Variants in MAGEC3 observed in about 807,000 individuals in gnomAD.
The protein encoded by MAGEC3 is MAGE family member C3.
A neutral mutation model predicts 35.3 loss-of-function variants in MAGEC3; 34 were observed. The ratio of observed to expected loss-of-function variants is 0.96; its 90% CI spans 0.73 to 1.28. The LOEUF is 1.28. MAGEC3 is among the 50% of genes most tolerant of loss of function. MAGEC3 has a pLI of 0.00. For missense variants in MAGEC3, 561 were observed against 483.6 expected (o/e 1.16, Z -1.50); for synonymous variants, 202 against 185.6 (o/e 1.09, Z -0.72).
At chrX:141,867,344 G>A (rs1228914016) in intron 2 of MAGEC3, among the ~76,000 whole-genome samples, 1 of 111,431 alleles carries the variant, frequency 9.0e-6, no homozygotes, top group Non-Finnish European at 1.9e-5. Context: ...CCCTTCAGGT[G>A]CACTAAGAGA....
At position 141,881,480 on chromosome X, in the gene MAGEC3, A is replaced by G. The variant is rs777967738; in HGVS notation, c.593A>G (p.Lys198Arg). ...VDKLVQFLLL[K>R]YQAKEPLTRA... is the part of the protein sequence containing the mutation. The stretch of plus-strand genomic sequence containing the variant: ...AAGTTGGTGCAGTTTCTTCTCCTCA[A>G]ATATCAAGCAAAAGAGCCTCTCACA... The change falls in exon 4 of 8, where the codon AAA (lysine) becomes AGA (arginine). Residue 198 changes from lysine (K) to arginine (R), a missense_variant. Transcript: ENST00000298296. 1 of 1,209,524 alleles carries G rather than the reference A, an allele frequency of 8.3e-7. No individual in the cohort carries two copies. Among genetic ancestry groups the G allele is most frequent in the South Asian group, 1.8e-5 (1 of 56,733 alleles).
intron 2 of MAGEC3, among the ~76,000 whole-genome samples, chrX:141,873,438 C>T (rs2017900932): frequency 9.0e-6 from 1 of 111,157 alleles, no homozygotes; most frequent in African/African-American, 3.3e-5. Flanking sequence ...CCCCAACACC[C>T]ATACCCAAGC....
At chrX:141,881,320 T>A (rs1217593192) in intron 3 of MAGEC3, 83 bp from the exon 4 acceptor site, 1 of 1,104,988 alleles carries the variant, frequency 9.0e-7, no homozygotes, top group African/African-American at 1.9e-5. Context: ...GGGTTCCCTG[T>A]CCTGCTCCTC....
chrX:141,879,114 G>T, intron 2 of MAGEC3, 61 bp from the exon 3 acceptor site: 3 of 1,119,738 alleles, frequency 2.7e-6, no homozygotes, highest in Non-Finnish European at 3.5e-6. Context: ...CTCTCGGGAA[G>T]GCAGGAAGGG....
intron 4 of MAGEC3, among the ~76,000 whole-genome samples, chrX:141,885,855 T>C (rs1479689980): frequency 9.1e-6 from 1 of 109,796 alleles, no homozygotes; most frequent in Non-Finnish European, 1.9e-5. Flanking sequence ...TTAGACCTAC[T>C]CATCCCAGCT....
At chrX:141,880,832 G>C in intron 3 of MAGEC3, 1 of 1,134,355 alleles carries the variant, frequency 8.8e-7, no homozygotes, top group Middle Eastern at 2.4e-4. Flanking sequence ...GAGAAGAAGA[G>C]CTGTAAGCCG....
intron 1 of MAGEC3, among the ~76,000 whole-genome samples, chrX:141,858,524 T>C (rs1353218795): frequency 1.8e-5 from 2 of 111,537 alleles, no homozygotes; most frequent in Non-Finnish European, 3.8e-5. Context: ...TATGACTTTA[T>C]TTTATTTACA....
At chrX:141,872,657 C>G (rs80173146) in intron 2 of MAGEC3, among the ~76,000 whole-genome samples, 5,919 of 110,297 alleles carry the variant, frequency 0.054, 230 homozygotes, top group East Asian at 0.31. Context: ...TAAAGGGCCT[C>G]CTAGACTGGA....
chrX:141,852,265 T>G (rs1397688470), intron 1 of MAGEC3, among the ~76,000 whole-genome samples: 3 of 110,658 alleles, frequency 2.7e-5, no homozygotes, highest in Non-Finnish European at 5.7e-5. Flanking sequence ...ACAACTGAGT[T>G]TTTGTATATT....
At chrX:141,847,521 T>C (rs2124084090) in intron 1 of MAGEC3, among the ~76,000 whole-genome samples, 1 of 111,467 alleles carries the variant, frequency 9.0e-6, no homozygotes, top group African/African-American at 3.2e-5. Flanking sequence ...AAGTATGTTC[T>C]CCAAAACAAT....
chrX:141,893,642 CTG>C (rs770042816), intron 4 of MAGEC3, among the ~76,000 whole-genome samples: 7,976 of 84,785 alleles, frequency 0.094, 650 homozygotes, highest in African/African-American at 0.25. Context: ...ATAGGAGACA[CTG>C]TGTGTGTGTG....
At chrX:141,892,683 G>A (rs1461565400) in intron 4 of MAGEC3, among the ~76,000 whole-genome samples, 3 of 111,162 alleles carry the variant, frequency 2.7e-5, no homozygotes, top group Non-Finnish European at 5.7e-5. Context: ...ACTTATGGGG[G>A]CAAACCCTAG....
intron 1 of MAGEC3, among the ~76,000 whole-genome samples, chrX:141,855,243 A>T (rs1051587505): frequency 4.5e-5 from 5 of 110,673 alleles, no homozygotes; most frequent in African/African-American, 1.6e-4. Flanking sequence ...CTGGATCAGC[A>T]TGTTATCTAC....
At chrX:141,870,692 T>C (rs1473798822) in intron 2 of MAGEC3, among the ~76,000 whole-genome samples, 2 of 112,409 alleles carry the variant, frequency 1.8e-5, no homozygotes, top group Non-Finnish European at 3.7e-5. Context: ...TTTAATTACA[T>C]GTTATAATGG....
At chrX:141,842,977 A>G (rs2017694969) in intron 1 of MAGEC3, among the ~76,000 whole-genome samples, 1 of 112,352 alleles carries the variant, frequency 8.9e-6, no homozygotes, top group African/African-American at 3.2e-5. Context: ...TGACACACAC[A>G]TTGTGGAGTT....
chrX:141,840,906 T>C (rs2017681933), intron 1 of MAGEC3, among the ~76,000 whole-genome samples: 1 of 111,232 alleles, frequency 9.0e-6, no homozygotes, highest in Admixed American at 9.6e-5. Context: ...TCTTTTTTTT[T>C]CTGTATTTTC....
At chrX:141,896,697 C>A (rs777047946) in intron 6 of MAGEC3, 185 bp from the exon 7 acceptor site, 11 of 1,211,706 alleles carry the variant, frequency 9.1e-6, no homozygotes, top group Non-Finnish European at 1.1e-5. Flanking sequence ...TTGAGGAAGA[C>A]TTCCAGAACC....
chrX:141,844,001 A>G (rs2017701773), intron 1 of MAGEC3, among the ~76,000 whole-genome samples: 1 of 110,481 alleles, frequency 9.1e-6, no homozygotes, highest in Non-Finnish European at 1.9e-5. Flanking sequence ...TGATGTTAAT[A>G]TCCCTCAACA....
At chrX:141,897,570 G>A (rs1306944821) in intron 7 of MAGEC3, 59 bp from the exon 8 acceptor site, 4 of 1,192,160 alleles carry the variant, frequency 3.4e-6, no homozygotes, top group Non-Finnish European at 4.5e-6. Flanking sequence ...AGTACCTGGA[G>A]TACCGGGAGG....
Sources: gnomAD v4.1 joint callset for allele counts (sites outside exome capture counted in the v4.1 genomes callset) on GRCh38, gnomAD v4.1.1 for gene constraint, MANE v1.5 for transcripts, NCBI Gene and HGNC (gene_info 2026-07-23, HGNC 2026-07-21) for gene names.